The following TMEM156 variants were observed in gnomAD, a reference collection of about 807,000 sequenced individuals.
The protein encoded by TMEM156 is transmembrane protein 156.
A neutral mutation model predicts 30.5 loss-of-function variants in TMEM156; 28 were observed. The ratio of observed to expected loss-of-function variants is 0.92; its 90% CI spans 0.68 to 1.26. The LOEUF (loss-of-function observed/expected upper bound fraction) is 1.26, where lower values mean the gene tolerates loss of function less well. Among genes scored for constraint, TMEM156 ranks in the 50% most tolerant of loss-of-function variants. The pLI, the probability that TMEM156 is intolerant of heterozygous loss-of-function variation, is 0.00. For missense variants in TMEM156, 351 were observed against 340.6 expected (o/e 1.03, Z -0.24); for synonymous variants, 137 against 119.9 (o/e 1.14, Z -0.93).
chr4:39,015,915 G>A (rs563360898), intron 1 of TMEM156, among the ~76,000 whole-genome samples: 11 of 152,116 alleles, frequency 7.2e-5, no homozygotes, highest in East Asian at 3.9e-4. Flanking sequence ...AAGTCCTTCC[G>A]CCTTCCACCA....
At chr4:38,977,168 A>G (rs1266158436) in intron 5 of TMEM156, among the ~76,000 whole-genome samples, 2 of 152,140 alleles carry the variant, frequency 1.3e-5, no homozygotes, top group Admixed American at 6.5e-5. Flanking sequence ...GCCTTCCAAA[A>G]TGCTAGGATT....
rs1372219319 is a variant in TMEM156, at chr4:39,029,701, G to C, written c.88+2525C>G. ...TGCACTCCAGCCTGGGCGACAGAGC[G>C]AGACTCCGTCTCAAAAAAAAAAAAA... is the stretch of plus-strand genomic sequence containing the variant. On this transcript the variant is annotated intron_variant, in intron 1 of 6. Transcript: ENST00000381938. Among the ~76,000 whole-genome samples, 4 of 9,326 alleles carry C rather than the reference G, an allele frequency of 4.3e-4. 1 individual carries two copies. The East Asian group carries it at 0.019, about 44-fold the overall frequency. The allele number at this position is 9,326 out of a possible 152,430, so 6.1% of individuals were successfully genotyped here.
At chr4:38,985,533 G>C (rs779535083) in intron 5 of TMEM156, among the ~76,000 whole-genome samples, 4 of 152,214 alleles carry the variant, frequency 2.6e-5, no homozygotes, top group Non-Finnish European at 5.9e-5. Context: ...TGGGGGACTG[G>C]AGGTTTGCTC....
Position 39,010,694 on chromosome 4 carries a change from C to T in TMEM156, c.89-11785G>A, listed in dbSNP as rs111803971. On this transcript the variant is annotated intron_variant, in intron 1 of 6. Transcript: ENST00000381938. Reference sequence around the variant, plus strand: ...AGGATACTCTATTCAATAAATGCTGCGGAGAAAACTGGCTAACCATAGGCA... The same window carrying T: ...AGGATACTCTATTCAATAAATGCTGTGGAGAAAACTGGCTAACCATAGGCA... 5.7e-3 allele frequency among the ~76,000 whole-genome samples: 872 copies of T among 152,188 alleles called. 7 individuals carry two copies. The highest frequency in any genetic ancestry group is 8.7e-3 in the Non-Finnish European group (590 of 67,980).
chr4:38,999,748 G>A (rs111830684), intron 1 of TMEM156, among the ~76,000 whole-genome samples: 136 of 152,254 alleles, frequency 8.9e-4, no homozygotes, highest in African/African-American at 3.0e-3. Flanking sequence ...GTGGCTGCTG[G>A]CATTCCTTGG....
At chr4:39,016,780 G>T (rs1156553938) in intron 1 of TMEM156, among the ~76,000 whole-genome samples, 1 of 152,038 alleles carries the variant, frequency 6.6e-6, no homozygotes, top group Non-Finnish European at 1.5e-5. Flanking sequence ...ATGTATTGAG[G>T]CTTGTTTTTA....
intron 5 of TMEM156, among the ~76,000 whole-genome samples, chr4:38,977,667 A>G (rs1045106454): frequency 1.2e-4 from 19 of 152,278 alleles, no homozygotes; most frequent in Admixed American, 1.0e-3. Context: ...TTAAAGCTTC[A>G]CAGCAGTCTT....
rs2109916779 is a variant in TMEM156 at position 38,986,403 on chromosome 4, A to T, written c.756T>A (p.Pro252=). The T allele has an allele frequency of 6.2e-7, 1 of 1,612,860 alleles. No homozygotes were observed. The highest frequency in any genetic ancestry group is 8.5e-7 in the Non-Finnish European group (1 of 1,178,920). ...CACTTCCTCTTAAGAGAACAGATGTAGGTTTGTCTCTATGACCTATTCCCA... is the reference window on the plus strand; with the variant it reads ...CACTTCCTCTTAAGAGAACAGATGTTGGTTTGTCTCTATGACCTATTCCCA... ...VQKWQSHRDK[P]TSVLLRGSDS... is the part of the protein sequence containing the mutation. The change falls in exon 5 of 7, where the codon CCT becomes CCA. Residue 252 remains proline (P), a synonymous_variant. Transcript: ENST00000381938.
At position 38,966,805 on chromosome 4, in the gene TMEM156, T is replaced by TTA. The variant is rs1722366870; in HGVS notation, c.*874_*875insTA. ...TCGTTTTATTGGTATCTTTGATTTT[T>TTA]TTTTTTTTTTTTTTTTGAGACAGAG... On this transcript the variant is annotated 3_prime_UTR_variant, in exon 7 of 7. Coordinates refer to ENST00000381938, the MANE Select transcript of TMEM156 (RefSeq NM_024943.3). The TTA allele has an allele frequency of 4.2e-5, 6 of 144,436 alleles. No individual in the cohort carries two copies. Among genetic ancestry groups the TTA allele is most frequent in the African/African-American group, 1.6e-4 (6 of 36,434 alleles). The allele number at this position is 144,436 out of a possible 1,614,324, so 8.9% of individuals were successfully genotyped here.
intron 3 of TMEM156, among the ~76,000 whole-genome samples, chr4:38,993,021 A>G (rs953109342): frequency 1.3e-5 from 2 of 150,884 alleles, no homozygotes; most frequent in African/African-American, 4.9e-5. Context: ...TCAGCCTCCC[A>G]AAGTGCTGGG....
intron 1 of TMEM156, among the ~76,000 whole-genome samples, chr4:39,024,958 G>C (rs964209758): frequency 1.3e-5 from 2 of 152,164 alleles, no homozygotes; most frequent in African/African-American, 2.4e-5. Flanking sequence ...AATATTAGCT[G>C]TCAGGATAGG....
intron 3 of TMEM156, among the ~76,000 whole-genome samples, chr4:38,993,297 G>A (rs1403214326): frequency 6.6e-6 from 1 of 151,834 alleles, no homozygotes; most frequent in Admixed American, 6.6e-5. Context: ...CAGGTGTGGT[G>A]GTGCACACCT....
rs370996816 is a variant in TMEM156, at chr4:38,979,230, C to T, written c.823+7106G>A. 1.1e-4 allele frequency among the ~76,000 whole-genome samples: 16 copies of T among 152,300 alleles called. No homozygotes were observed. In the East Asian group the frequency reaches 1.7e-3, roughly 17 times the overall value. ...GAAGCACTGGACCAGATAGATTCAC[C>T]GACATGAGGCACCTGTGCAGCCTTG... On this transcript the variant is annotated intron_variant, in intron 5 of 6. Transcript: ENST00000381938.
intron 1 of TMEM156, among the ~76,000 whole-genome samples, chr4:39,011,846 T>C (rs1328560901): frequency 6.6e-6 from 1 of 152,158 alleles, no homozygotes; most frequent in African/African-American, 2.4e-5. Flanking sequence ...TAAAAAAGAT[T>C]GAAATCATGT....
chr4:39,027,511 A>G (rs970050693), intron 1 of TMEM156, among the ~76,000 whole-genome samples: 2 of 151,814 alleles, frequency 1.3e-5, no homozygotes, highest in African/African-American at 4.8e-5. Flanking sequence ...AAGTCAAAAC[A>G]GATAAAATTA....
At chr4:38,984,581 C>T (rs1255867850) in intron 5 of TMEM156, among the ~76,000 whole-genome samples, 5 of 151,988 alleles carry the variant, frequency 3.3e-5, no homozygotes, top group East Asian at 1.9e-4. Context: ...CTCACTGCTG[C>T]CTATAATCCA....
intron 5 of TMEM156, among the ~76,000 whole-genome samples, chr4:38,973,509 G>A (rs1348489889): frequency 6.6e-6 from 1 of 152,044 alleles, no homozygotes; most frequent in Non-Finnish European, 1.5e-5. Flanking sequence ...TATTGTTTAA[G>A]TAGGTGGATC....
At chr4:39,029,125 T>C (rs1715373512) in intron 1 of TMEM156, among the ~76,000 whole-genome samples, 1 of 152,204 alleles carries the variant, frequency 6.6e-6, no homozygotes, top group African/African-American at 2.4e-5. Flanking sequence ...TATTTCGAAA[T>C]CAAATCTATT....
chr4:38,990,830 G>GTTTCTTTTTTTTTTTTTTTTTTT, intron 3 of TMEM156, among the ~76,000 whole-genome samples: 1 of 81,216 alleles, frequency 1.2e-5, no homozygotes, highest in Non-Finnish European at 2.4e-5. Flanking sequence ...TTGTTTTCTG[G>GTTTCTTTTTTTTTTTTTTTTTTT]TTTTTTTTTT....
Sources: gnomAD v4.1 joint callset for allele counts (sites outside exome capture counted in the v4.1 genomes callset) on GRCh38, gnomAD v4.1.1 for gene constraint, MANE v1.5 for transcripts, NCBI Gene and HGNC (gene_info 2026-07-23, HGNC 2026-07-21) for gene names.